Variants in ERICH1 observed in about 807,000 individuals in gnomAD.
The protein encoded by ERICH1 is glutamate-rich protein 1.
ERICH1 carries 56 observed loss-of-function variants against 39.6 expected under a neutral mutation model. The ratio of observed to expected loss-of-function variants is 1.41; its 90% CI spans 1.14 to 1.77. ERICH1 has a LOEUF of 1.77. Ranked by LOEUF, ERICH1 falls within the 40% of genes most tolerant of loss-of-function variation. ERICH1 has a pLI of 0.00. For missense variants in ERICH1, 826 were observed against 575.4 expected (o/e 1.44, Z -4.45); for synonymous variants, 313 against 223.6 (o/e 1.40, Z -3.57).
intron 4 of ERICH1, among the ~76,000 whole-genome samples, chr8:672,773 C>G (rs983817713): frequency 2.0e-5 from 3 of 152,224 alleles, no homozygotes; most frequent in Non-Finnish European, 4.4e-5. Context: ...GTACAAACAA[C>G]TGCACAATAA....
chr8:629,428 G>C (rs796401401), intron 3 of ERICH1, among the ~76,000 whole-genome samples: 615 of 35,474 alleles, frequency 0.017, no homozygotes, highest in African/African-American at 0.037. Flanking sequence ...CCTCCTGTGA[G>C]CACCCACACA....
At chr8:685,318 A>T (rs36091914) in intron 3 of ERICH1, among the ~76,000 whole-genome samples, 16,014 of 152,198 alleles carry the variant, frequency 0.11, 1,355 homozygotes, top group African/African-American at 0.23. Context: ...ACCTAATGGT[A>T]ATCTCCCTTG....
intron 3 of ERICH1, among the ~76,000 whole-genome samples, chr8:643,294 T>C (rs909006600): frequency 1.3e-5 from 2 of 151,914 alleles, no homozygotes; most frequent in African/African-American, 2.4e-5. Flanking sequence ...GCGCAGGCTG[T>C]GCTCGCAGGG....
At chr8:694,216 C>A (rs1053593106) in intron 2 of ERICH1, among the ~76,000 whole-genome samples, 2 of 152,150 alleles carry the variant, frequency 1.3e-5, no homozygotes, top group African/African-American at 4.8e-5. Flanking sequence ...GGTAGGGTGC[C>A]GGAATCCTAG....
intron 2 of ERICH1, among the ~76,000 whole-genome samples, chr8:700,232 C>A (rs185135698): frequency 0.012 from 930 of 77,800 alleles, 87 homozygotes; most frequent in African/African-American, 0.037. Context: ...CACACGCGCA[C>A]AGGCCCGCAC....
At chr8:724,336 AAT>A (rs1292004166) in intron 1 of ERICH1, among the ~76,000 whole-genome samples, 1 of 152,180 alleles carries the variant, frequency 6.6e-6, no homozygotes, top group Non-Finnish European at 1.5e-5. Flanking sequence ...GAAGAAAGAA[AAT>A]ATTCCACGCA....
At chr8:651,700 G>C (rs899560711) in intron 3 of ERICH1, among the ~76,000 whole-genome samples, 1 of 140,120 alleles carries the variant, frequency 7.1e-6, no homozygotes, top group Non-Finnish European at 1.6e-5. Context: ...TGAGGGGAGA[G>C]AGAGGCTGAG....
intron 3 of ERICH1, 25 bp downstream of exon 3, chr8:692,453 C>T (rs750883582): frequency 1.9e-6 from 3 of 1,613,874 alleles, no homozygotes; most frequent in East Asian, 4.5e-5. Flanking sequence ...AAGATGTCTA[C>T]CTTTCCTCCC....
chr8:697,081 T>C (rs1312417616), intron 2 of ERICH1, among the ~76,000 whole-genome samples: 3 of 152,226 alleles, frequency 2.0e-5, no homozygotes, highest in African/African-American at 7.2e-5. Context: ...GCCTTACCAC[T>C]TGCTGCACGT....
intron 3 of ERICH1, among the ~76,000 whole-genome samples, chr8:624,317 G>C (rs34366638): frequency 0.22 from 33,694 of 152,088 alleles, 4,062 homozygotes; most frequent in East Asian, 0.48. Context: ...TTCCTGATAA[G>C]GATGTGAGAT....
chr8:687,759 C>CG (rs1456693525), intron 3 of ERICH1, among the ~76,000 whole-genome samples: 3 of 152,100 alleles, frequency 2.0e-5, no homozygotes, highest in Admixed American at 6.5e-5. Context: ...GCCAGGCCCG[C>CG]GGGGCCCTAG....
chr8:692,566 G>A lies in ERICH1; in HGVS notation c.216C>T (p.Ser72=), dbSNP rs765749145. 1.1e-5 allele frequency: 18 copies of A among 1,612,718 alleles called. No homozygotes were observed. The highest frequency in any genetic ancestry group is 2.7e-5 in the African/African-American group (2 of 74,774). Residue 72 remains serine (S), a synonymous_variant, in exon 3 of 6, where the codon AGC becomes AGT. Transcript: ENST00000262109. The stretch of plus-strand genomic sequence containing the variant: ...AGGGGACGTAGCCCTCAGGAGGCCC[G>A]CTGGCAGTGTAGAGCCGTCGGGCAG... The part of the protein sequence containing the change: ...TPTARRLYTA[S]GPPEGYVPCW...
In ERICH1 at chr8:700,551, C is replaced by G. The variant is rs71514192; in HGVS notation, c.170-7939G>C. On this transcript the variant is annotated intron_variant, in intron 2 of 5. Transcript: ENST00000262109. ...CCGCACAGGCGCACAGGCCCGCACACGCGCACAGGCCCGCACAGGCGCACA... is the reference window on the plus strand; with the variant it reads ...CCGCACAGGCGCACAGGCCCGCACAGGCGCACAGGCCCGCACAGGCGCACA... 3.3e-3 allele frequency among the ~76,000 whole-genome samples: 277 copies of G among 85,030 alleles called. 5 individuals are homozygous for G. Among genetic ancestry groups the G allele is most frequent in the Middle Eastern group, 0.019 (2 of 106 alleles). 55.8% of individuals were successfully genotyped at this position (85,030 alleles called of 152,430 possible).
chr8:615,591 T>G (rs985539100), intron 3 of ERICH1: 1 of 297,254 alleles, frequency 3.4e-6, no homozygotes, highest in East Asian at 6.5e-5. Flanking sequence ...GCAAATGCTA[T>G]GAACTATCCC....
At chr8:624,184 C>A (rs1466822109) in intron 3 of ERICH1, among the ~76,000 whole-genome samples, 1 of 152,004 alleles carries the variant, frequency 6.6e-6, no homozygotes, top group Non-Finnish European at 1.5e-5. Flanking sequence ...AAATCGAAAC[C>A]ACAATGAGAC....
At chr8:634,183 A>AACAAACAAACAAAAAAC (rs1554481906) in intron 3 of ERICH1, among the ~76,000 whole-genome samples, 24 of 135,840 alleles carry the variant, frequency 1.8e-4, no homozygotes, top group African/African-American at 6.1e-4. Context: ...AAAAAAAAAA[A>AACAAACAAACAAAAAAC]AAACAAACAA....
chr8:687,406 A>C (rs1381917818), intron 3 of ERICH1, among the ~76,000 whole-genome samples: 1 of 152,248 alleles, frequency 6.6e-6, no homozygotes, highest in Non-Finnish European at 1.5e-5. Context: ...GGGAATAAAA[A>C]GCCGGCAACG....
chr8:672,483 G>C (rs1271078922), intron 4 of ERICH1, among the ~76,000 whole-genome samples: 2 of 152,132 alleles, frequency 1.3e-5, no homozygotes, highest in African/African-American at 4.8e-5. Flanking sequence ...TTGCTCATAA[G>C]AACACCATCA....
intron 2 of ERICH1, among the ~76,000 whole-genome samples, chr8:693,709 G>A (rs918682825): frequency 1.3e-5 from 2 of 151,212 alleles, no homozygotes; most frequent in Non-Finnish European, 2.9e-5. Context: ...CATCACCACC[G>A]TGGACGGCGG....
Sources: gnomAD v4.1 joint callset for allele counts (sites outside exome capture counted in the v4.1 genomes callset) on GRCh38, gnomAD v4.1.1 for gene constraint, MANE v1.5 for transcripts, NCBI Gene and HGNC (gene_info 2026-07-23, HGNC 2026-07-21) for gene names.